Variants in SEMA5A observed in about 807,000 individuals in gnomAD.
SEMA5A encodes the protein semaphorin-5A.
A neutral mutation model predicts 135.5 loss-of-function variants in SEMA5A; 55 were observed. The ratio of observed to expected loss-of-function variants is 0.41; its 90% CI spans 0.33 to 0.51. The LOEUF (loss-of-function observed/expected upper bound fraction) is 0.51, where lower values mean the gene tolerates loss of function less well. Ranked by LOEUF, SEMA5A falls within the 20% of genes least tolerant of loss-of-function variation. The pLI is 0.37. For missense variants in SEMA5A, 1,290 were observed against 1,419.9 expected (o/e 0.91, Z 1.47); for synonymous variants, 580 against 546.5 (o/e 1.06, Z -0.85).
chr5:9,306,246 C>T (rs1428786168), intron 5 of SEMA5A, among the ~76,000 whole-genome samples: 2 of 152,134 alleles, frequency 1.3e-5, no homozygotes, highest in African/African-American at 4.8e-5. Flanking sequence ...TGTCCTCTTC[C>T]TTCTCCTTTT....
At chr5:9,353,098 G>GGA (rs1561176710) in intron 3 of SEMA5A, among the ~76,000 whole-genome samples, 2,849 of 21,770 alleles carry the variant, frequency 0.13, 783 homozygotes, top group South Asian at 0.18. Flanking sequence ...GGAAAGGAAG[G>GGA]AAGGAAAGGA....
chr5:9,048,248 A>G (rs986222464), intron 21 of SEMA5A, among the ~76,000 whole-genome samples: 1 of 152,090 alleles, frequency 6.6e-6, no homozygotes, highest in South Asian at 2.1e-4. Context: ...CTCGTTTCCT[A>G]CGGTGCTTTG....
chr5:9,152,018 G>A (rs531243251), intron 12 of SEMA5A, among the ~76,000 whole-genome samples: 104 of 152,308 alleles, frequency 6.8e-4, no homozygotes, highest in Admixed American at 6.6e-3. Flanking sequence ...AGATGCCAGG[G>A]ACACTGTGCC....
chr5:9,256,633 A>G (rs79538677), intron 5 of SEMA5A, among the ~76,000 whole-genome samples: 3,953 of 152,330 alleles, frequency 0.026, 284 homozygotes, highest in East Asian at 0.24. Flanking sequence ...TTGATTAAAT[A>G]TCTCCTCCAA....
chr5:9,510,820 A>G (rs1303053087), intron 1 of SEMA5A, among the ~76,000 whole-genome samples: 1 of 152,202 alleles, frequency 6.6e-6, no homozygotes, highest in Non-Finnish European at 1.5e-5. Context: ...CAATAGAGAA[A>G]TGTTTTAAAA....
At chr5:9,125,595 A>C (rs985458975) in intron 13 of SEMA5A, among the ~76,000 whole-genome samples, 3 of 151,408 alleles carry the variant, frequency 2.0e-5, no homozygotes, top group African/African-American at 7.3e-5. Flanking sequence ...AACATGCAGC[A>C]CTTGGTTTTC....
intron 16 of SEMA5A, among the ~76,000 whole-genome samples, chr5:9,088,637 A>ATATATAT (rs1738846706): frequency 1.8e-5 from 2 of 108,114 alleles, no homozygotes; most frequent in African/African-American, 8.5e-5. Context: ...CTACATTTAT[A>ATATATAT]ATATATATAT....
intron 5 of SEMA5A, among the ~76,000 whole-genome samples, chr5:9,312,254 A>G (rs1187951248): frequency 6.6e-6 from 1 of 152,042 alleles, no homozygotes; most frequent in Non-Finnish European, 1.5e-5. Flanking sequence ...GACATGAGGT[A>G]AAAGAAACAA....
chr5:9,353,073 GGAAAGGA>G, intron 3 of SEMA5A, among the ~76,000 whole-genome samples: 1 of 24,446 alleles, frequency 4.1e-5, no homozygotes, highest in African/African-American at 1.2e-4. Flanking sequence ...GGAAAGGAAA[GGAAAGGA>G]AAGGAAAGGA....
intron 2 of SEMA5A, among the ~76,000 whole-genome samples, chr5:9,390,379 T>C (rs1412293331): frequency 1.3e-5 from 2 of 152,166 alleles, no homozygotes; most frequent in African/African-American, 4.8e-5. Flanking sequence ...CTGGAACCAC[T>C]TGAAATGTCA....
rs928742118 is a variant in SEMA5A, at chr5:9,545,066, C to CTT, written c.-175+517_-175+518insAA. ...GTCTTTCATTAACCAAGGCGCTTGG[C>CTT]GGAGTTGAGCCCAAGTCCCATTGCC... On this transcript the variant is annotated intron_variant, in intron 1 of 22. Coordinates refer to ENST00000382496, the MANE Select transcript of SEMA5A (RefSeq NM_003966.3). The surrounding 1 kb of genome is among the most constrained non-coding windows in gnomAD (Gnocchi z 4.5). Among the ~76,000 whole-genome samples, 3 of 152,256 alleles carry CTT rather than the reference C, an allele frequency of 2.0e-5. No homozygotes were observed. Among genetic ancestry groups the CTT allele is most frequent in the African/African-American group, 7.2e-5 (3 of 41,566 alleles).
At chr5:9,076,617 T>C (rs1738073694) in intron 16 of SEMA5A, among the ~76,000 whole-genome samples, 1 of 152,194 alleles carries the variant, frequency 6.6e-6, no homozygotes, top group African/African-American at 2.4e-5. Flanking sequence ...CACTACAAAT[T>C]TGTACAAATA....
At chr5:9,464,071 T>C (rs1438240413) in intron 1 of SEMA5A, among the ~76,000 whole-genome samples, 15 of 152,126 alleles carry the variant, frequency 9.9e-5, no homozygotes, top group Non-Finnish European at 2.2e-4. Context: ...CATGGTGAGA[T>C]CCTGAGCAGC....
At chr5:9,480,045 G>T (rs78808393) in intron 1 of SEMA5A, among the ~76,000 whole-genome samples, 2,314 of 152,138 alleles carry the variant, frequency 0.015, 62 homozygotes, top group African/African-American at 0.053. Flanking sequence ...CTGACCTTTG[G>T]GACCAGATTA....
At chr5:9,510,221 G>A (rs1242782989) in intron 1 of SEMA5A, among the ~76,000 whole-genome samples, 2 of 152,068 alleles carry the variant, frequency 1.3e-5, no homozygotes, top group East Asian at 3.9e-4. Flanking sequence ...GTTCATTTAC[G>A]ACCTCATTCA....
At chr5:9,275,817 T>C (rs541276329) in intron 5 of SEMA5A, among the ~76,000 whole-genome samples, 3 of 152,290 alleles carry the variant, frequency 2.0e-5, no homozygotes, top group East Asian at 3.9e-4. Flanking sequence ...AAACTAGGTA[T>C]TGATGGAACA....
intron 3 of SEMA5A, among the ~76,000 whole-genome samples, chr5:9,369,517 T>C (rs1471486563): frequency 6.6e-6 from 1 of 152,236 alleles, no homozygotes; most frequent in Admixed American, 6.5e-5. Context: ...GTAATTGTTG[T>C]ATATTGTGTG....
intron 13 of SEMA5A, among the ~76,000 whole-genome samples, chr5:9,127,309 G>GATTA (rs1377274650): frequency 6.6e-6 from 1 of 152,120 alleles, no homozygotes; most frequent in Non-Finnish European, 1.5e-5. Context: ...CCACCATGCT[G>GATTA]ACTTCTGATT....
At chr5:9,061,527 G>A (rs1371974384) in intron 18 of SEMA5A, among the ~76,000 whole-genome samples, 1 of 152,050 alleles carries the variant, frequency 6.6e-6, no homozygotes, top group South Asian at 2.1e-4. Flanking sequence ...GACTTTCCGT[G>A]GGTTCTGGAC....
Sources: allele counts gnomAD v4.1 joint callset (sites outside exome capture counted in the v4.1 genomes callset), GRCh38; gene constraint gnomAD v4.1.1; non-coding constraint Gnocchi (gnomAD v3.1); transcripts MANE v1.5; gene names NCBI Gene and HGNC (gene_info 2026-07-23, HGNC 2026-07-21).